The following SRGAP1 variants were observed in gnomAD, a reference collection of about 807,000 sequenced individuals.
The protein encoded by SRGAP1 is SLIT-ROBO Rho GTPase-activating protein 1.
In SRGAP1, 43 loss-of-function variants were observed where a neutral mutation model predicts 121.9. The observed-to-expected ratio is 0.35, with a 90% CI of 0.28 to 0.46. The LOEUF (loss-of-function observed/expected upper bound fraction) is 0.46, where lower values mean the gene tolerates loss of function less well. Ranked by LOEUF, SRGAP1 falls within the 20% of genes least tolerant of loss-of-function variation. The pLI, the probability that SRGAP1 is intolerant of heterozygous loss-of-function variation, is 1.00. For synonymous variants in SRGAP1, 447 were observed against 485.4 expected (o/e 0.92, Z 1.04); for missense variants, 1,102 against 1,350.9 (o/e 0.82, Z 2.89).
chr12:63,945,043 G>A (rs1315842982), intron 1 of SRGAP1, among the ~76,000 whole-genome samples: 1 of 152,138 alleles, frequency 6.6e-6, no homozygotes, highest in African/African-American at 2.4e-5. Context: ...TCCTGGCAGA[G>A]CCCACAGGAA....
chr12:63,981,406 C>G (rs1351277515), intron 1 of SRGAP1, among the ~76,000 whole-genome samples: 1 of 152,124 alleles, frequency 6.6e-6, no homozygotes, highest in African/African-American at 2.4e-5. Context: ...TAGTTGACAG[C>G]TTAAGATGTT....
chr12:63,889,818 G>C (rs1322323532), intron 1 of SRGAP1, among the ~76,000 whole-genome samples: 1 of 151,994 alleles, frequency 6.6e-6, no homozygotes, highest in African/African-American at 2.4e-5. Flanking sequence ...TGAGGCAGGA[G>C]AATCACTTGA....
intron 3 of SRGAP1, among the ~76,000 whole-genome samples, chr12:64,008,864 C>G (rs1316874926): frequency 6.6e-6 from 1 of 152,030 alleles, no homozygotes; most frequent in Non-Finnish European, 1.5e-5. Flanking sequence ...TTTTTCTTAC[C>G]ACAGTACTAT....
intron 4 of SRGAP1, among the ~76,000 whole-genome samples, chr12:64,023,667 C>A (rs2034597307): frequency 6.6e-6 from 1 of 152,200 alleles, no homozygotes; most frequent in South Asian, 2.1e-4. Context: ...GCATCAGCAG[C>A]ACACACAGCT....
intron 10 of SRGAP1, among the ~76,000 whole-genome samples, chr12:64,086,722 GAAAA>G (rs3057149): frequency 0.027 from 3,229 of 120,240 alleles, 113 homozygotes; most frequent in African/African-American, 0.084. Context: ...TTTCTTTTCT[GAAAA>G]AAAAAAAAAA....
intron 1 of SRGAP1, among the ~76,000 whole-genome samples, chr12:63,873,451 T>C (rs1899921869): frequency 6.7e-6 from 1 of 150,096 alleles, no homozygotes; most frequent in Non-Finnish European, 1.5e-5. Flanking sequence ...GAGAATCGCT[T>C]GAACCCAGGA....
intron 4 of SRGAP1, among the ~76,000 whole-genome samples, chr12:64,025,874 C>G (rs1199860446): frequency 6.6e-6 from 1 of 152,048 alleles, no homozygotes; most frequent in Non-Finnish European, 1.5e-5. Flanking sequence ...GTTTTTTCTG[C>G]CAGAATGATC....
chr12:64,091,461 A>G, intron 12 of SRGAP1, 83 bp downstream of exon 12: 1 of 954,688 alleles, frequency 1.0e-6, no homozygotes, highest in South Asian at 1.8e-5. Context: ...GAGGAAGGTC[A>G]TTATGTCCAA....
chr12:64,116,697 G>A (rs2136623793), intron 18 of SRGAP1, among the ~76,000 whole-genome samples: 1 of 152,292 alleles, frequency 6.6e-6, no homozygotes, highest in South Asian at 2.1e-4. Context: ...GCTATGCACT[G>A]TTAGGACATT....
intron 1 of SRGAP1, among the ~76,000 whole-genome samples, chr12:63,956,313 C>T (rs780740557): frequency 2.0e-4 from 30 of 152,288 alleles, no homozygotes; most frequent in South Asian, 1.5e-3. Context: ...GATCCGTCTG[C>T]CTCAGCCTTC....
intron 8 of SRGAP1, among the ~76,000 whole-genome samples, chr12:64,068,807 C>T (rs1005253311): frequency 1.3e-5 from 2 of 151,532 alleles, no homozygotes; most frequent in Non-Finnish European, 2.9e-5. Flanking sequence ...GTCAGGAGTT[C>T]GAGATCAGCC....
At chr12:63,862,205 A>C (rs550655262) in intron 1 of SRGAP1, among the ~76,000 whole-genome samples, 1 of 152,244 alleles carries the variant, frequency 6.6e-6, no homozygotes, top group Non-Finnish European at 1.5e-5. Flanking sequence ...AATTCTTTAC[A>C]TATCAAAACT....
chr12:64,125,105 C>T (rs143569044), intron 18 of SRGAP1, among the ~76,000 whole-genome samples: 25 of 152,118 alleles, frequency 1.6e-4, no homozygotes, highest in East Asian at 5.8e-4. Context: ...TAGCCACGGC[C>T]GCTTCCCTCC....
intron 1 of SRGAP1, among the ~76,000 whole-genome samples, chr12:63,909,926 C>A (rs2030412673): frequency 6.6e-6 from 1 of 152,166 alleles, no homozygotes; most frequent in Non-Finnish European, 1.5e-5. Context: ...TGAGGCCCAC[C>A]CACATTATGG....
At chr12:64,112,144 C>T (rs955441934) in intron 17 of SRGAP1, among the ~76,000 whole-genome samples, 158 bp downstream of exon 17, 16 of 151,998 alleles carry the variant, frequency 1.1e-4, no homozygotes, top group African/African-American at 3.9e-4. Context: ...ATACTAAGAC[C>T]CATGGAAACT....
At chr12:64,033,649 C>T (rs901435947) in intron 4 of SRGAP1, among the ~76,000 whole-genome samples, 5 of 151,294 alleles carry the variant, frequency 3.3e-5, no homozygotes, top group South Asian at 4.2e-4. Context: ...ACCCGGGAGG[C>T]GGAGGTTGCA....
chr12:64,083,591 T>C (rs1257656722), intron 10 of SRGAP1, among the ~76,000 whole-genome samples: 2 of 152,252 alleles, frequency 1.3e-5, no homozygotes, highest in Non-Finnish European at 2.9e-5. Context: ...ATTATCATTT[T>C]CTTCATCCCT....
chr12:64,126,251 G>C (rs1279139166), intron 19 of SRGAP1, 94 bp downstream of exon 19: 1 of 1,409,376 alleles, frequency 7.1e-7, no homozygotes, highest in East Asian at 2.3e-5. Context: ...GAAAGGAGCA[G>C]AAGGGATTAC....
At chr12:63,939,384 A>G (rs1281780721) in intron 1 of SRGAP1, among the ~76,000 whole-genome samples, 2 of 152,120 alleles carry the variant, frequency 1.3e-5, no homozygotes, top group African/African-American at 2.4e-5. Flanking sequence ...TGGAATGGCA[A>G]GTGTCCTATA....
Sources: gnomAD v4.1 joint callset for allele counts (sites outside exome capture counted in the v4.1 genomes callset) on GRCh38, gnomAD v4.1.1 for gene constraint, MANE v1.5 for transcripts, NCBI Gene and HGNC (gene_info 2026-07-23, HGNC 2026-07-21) for gene names.